The following SIK2 variants were observed in gnomAD, a reference collection of about 807,000 sequenced individuals.
SIK2 encodes the protein serine/threonine-protein kinase SIK2.
SIK2 carries 29 observed loss-of-function variants against 103.2 expected under a neutral mutation model. That is an observed-to-expected ratio of 0.28 (90% CI 0.21 to 0.38). The LOEUF (loss-of-function observed/expected upper bound fraction) is 0.38, where lower values mean the gene tolerates loss of function less well. Ranked by LOEUF, SIK2 falls within the 10% of genes least tolerant of loss-of-function variation. The pLI, the probability that SIK2 is intolerant of heterozygous loss-of-function variation, is 1.00. For synonymous variants in SIK2, 412 were observed against 446.1 expected, an observed-to-expected ratio of 0.92 and a Z score of 0.96; for missense variants, 879 against 1,171.0, an observed-to-expected ratio of 0.75 and a Z score of 3.64.
intron 3 of SIK2, among the ~76,000 whole-genome samples, chr11:111,643,856 A>C (rs1307534816): frequency 6.6e-6 from 1 of 151,872 alleles, no homozygotes; most frequent in Non-Finnish European, 1.5e-5. Flanking sequence ...GGTGCTGTGC[A>C]GCTGTAGCCC....
intron 1 of SIK2, among the ~76,000 whole-genome samples, chr11:111,614,320 A>G (rs1171467590): frequency 6.6e-6 from 1 of 151,950 alleles, no homozygotes; most frequent in African/African-American, 2.4e-5. Context: ...CTGACCTCAA[A>G]TGATCAGCCT....
At position 111,620,357 on chromosome 11, in the gene SIK2, A is replaced by G; in HGVS notation, c.271A>G (p.Met91Val). 1 of 1,594,722 alleles carries G rather than the reference A, an allele frequency of 6.3e-7. No homozygotes were observed. Among genetic ancestry groups the G allele is most frequent in the Non-Finnish European group, 8.5e-7 (1 of 1,171,638 alleles). Reference protein sequence around the residue: ...KLYQVMETKSMLYLVTEYAKN... With the variant: ...KLYQVMETKSVLYLVTEYAKN... ...TCAATAGGTAATGGAGACCAAAAGTATGTTGTACCTTGTGACAGAATATGC... is the reference window on the plus strand; with the variant it reads ...TCAATAGGTAATGGAGACCAAAAGTGTGTTGTACCTTGTGACAGAATATGC... The change falls in exon 3 of 15, where the codon ATG becomes GTG. Residue 91 changes from methionine to valine, a missense_variant. Around this residue, in one of 7 missense-constraint regions of SIK2, gnomAD observed 126 missense variants for 245.5 expected, o/e 0.51. Transcript: ENST00000304987.
intron 3 of SIK2, among the ~76,000 whole-genome samples, chr11:111,648,409 C>T (rs1942285135): frequency 6.6e-6 from 1 of 152,072 alleles, no homozygotes; most frequent in South Asian, 2.1e-4. Context: ...TCACTGCATC[C>T]TCACACGGTG....
At chr11:111,663,050 T>A (rs1942488236) in intron 3 of SIK2, among the ~76,000 whole-genome samples, 1 of 151,542 alleles carries the variant, frequency 6.6e-6, no homozygotes, top group Non-Finnish European at 1.5e-5. Context: ...CTGGGCAACA[T>A]GGCAAAACCC....
chr11:111,706,564 A>C (rs1376366128), intron 8 of SIK2, among the ~76,000 whole-genome samples: 1 of 152,208 alleles, frequency 6.6e-6, no homozygotes, highest in Non-Finnish European at 1.5e-5. Context: ...ATTATAATAA[A>C]ATTTTGCATT....
chr11:111,674,137 C>A (rs897833873), intron 3 of SIK2, among the ~76,000 whole-genome samples: 1 of 151,582 alleles, frequency 6.6e-6, no homozygotes, highest in African/African-American at 2.4e-5. Flanking sequence ...TAGAAACAGG[C>A]CTACAAAGAC....
Position 111,728,734 on chromosome 11 carries a change from C to CTGGT in SIK2, c.*4606_*4607insGGTT, listed in dbSNP as rs1427175697. ...ACGAGGTCAGGAGATTGAGACCATCCTAACACAGTGAAACGCCGTCTCTAC... is the reference window on the plus strand; with the variant it reads ...ACGAGGTCAGGAGATTGAGACCATCCTGGTTAACACAGTGAAACGCCGTCTCTAC... On this transcript the variant is annotated 3_prime_UTR_variant, in exon 15 of 15. Coordinates refer to ENST00000304987, the MANE Select transcript of SIK2 (RefSeq NM_015191.3). 1.3e-5 allele frequency: 2 copies of CTGGT among 152,228 alleles called. No individual in the cohort carries two copies. Among genetic ancestry groups the CTGGT allele is most frequent in the South Asian group, 4.2e-4 (2 of 4,814 alleles). The allele number at this position is 152,228 out of a possible 1,614,324, so 9.4% of individuals were successfully genotyped here.
At position 111,643,315 on chromosome 11, in the gene SIK2, G is replaced by A. The variant is rs535149071; in HGVS notation, c.316+22913G>A. Among the ~76,000 whole-genome samples the A allele has an allele frequency of 1.2e-4, 18 of 152,200 alleles. 1 individual carries two copies. Among genetic ancestry groups the A allele is most frequent in the Admixed American group, 2.6e-4 (4 of 15,284 alleles). On this transcript the variant is annotated intron_variant, in intron 3 of 14. Coordinates refer to ENST00000304987, the MANE Select transcript of SIK2 (RefSeq NM_015191.3). Reference sequence around the variant, plus strand: ...CACACCAGGGCCTGTTGGAAGGTTGGGGGCGAGGGGAGGGAGAGTATCAGG... The same window carrying A: ...CACACCAGGGCCTGTTGGAAGGTTGAGGGCGAGGGGAGGGAGAGTATCAGG...
At chr11:111,676,789 T>G (rs1942708605) in intron 3 of SIK2, among the ~76,000 whole-genome samples, 1 of 152,226 alleles carries the variant, frequency 6.6e-6, no homozygotes. Context: ...TCCTAAAAAT[T>G]GAATGTTTTG....
chr11:111,675,943 C>T (rs992011527), intron 3 of SIK2, among the ~76,000 whole-genome samples: 1 of 152,168 alleles, frequency 6.6e-6, no homozygotes, highest in Non-Finnish European at 1.5e-5. Flanking sequence ...TCTTTCTTGC[C>T]TTCTTTGTGT....
intron 9 of SIK2, among the ~76,000 whole-genome samples, chr11:111,716,980 C>A (rs1943658363): frequency 6.6e-6 from 1 of 152,078 alleles, no homozygotes; most frequent in African/African-American, 2.4e-5. Flanking sequence ...ACAGACACTT[C>A]TGAAAAGAAG....
chr11:111,703,599 A>G (rs1194321520), intron 7 of SIK2, among the ~76,000 whole-genome samples, 176 bp downstream of exon 7: 2 of 152,220 alleles, frequency 1.3e-5, no homozygotes, highest in Non-Finnish European at 2.9e-5. Context: ...AGCATCTTAA[A>G]TTCCTTTCTT....
intron 11 of SIK2, 32 bp downstream of exon 11, chr11:111,720,794 C>T (rs1410276231): frequency 2.5e-6 from 4 of 1,569,258 alleles, no homozygotes; most frequent in Admixed American, 1.8e-5. Context: ...TTTTGAAACT[C>T]GCGTCGTAGG....
chr11:111,651,228 G>C (rs942819219), intron 3 of SIK2, among the ~76,000 whole-genome samples: 2 of 152,084 alleles, frequency 1.3e-5, no homozygotes, highest in African/African-American at 4.8e-5. Context: ...TTGGAAACTT[G>C]CTTGTATTTA....
intron 3 of SIK2, among the ~76,000 whole-genome samples, chr11:111,644,287 C>CAAAAA (rs559236704): frequency 4.8e-5 from 2 of 41,936 alleles, no homozygotes; most frequent in African/African-American, 8.2e-5. Context: ...GACTCCATCT[C>CAAAAA]AAAAAAAAAA....
chr11:111,644,415 G>A (rs2135858634), intron 3 of SIK2, among the ~76,000 whole-genome samples: 1 of 151,684 alleles, frequency 6.6e-6, no homozygotes, highest in East Asian at 1.9e-4. Context: ...TTTTTCAAAT[G>A]TAAAATTTGA....
intron 3 of SIK2, among the ~76,000 whole-genome samples, chr11:111,637,456 C>CTTTTTTTTTTT (rs558690499): frequency 1.6e-5 from 2 of 124,710 alleles, no homozygotes; most frequent in Admixed American, 8.1e-5. Flanking sequence ...TTTGTAATAT[C>CTTTTTTTTTTT]TTTTTTTTTT....
chr11:111,674,447 C>T (rs867727458), intron 3 of SIK2, among the ~76,000 whole-genome samples: 2 of 152,192 alleles, frequency 1.3e-5, no homozygotes, highest in African/African-American at 2.4e-5. Context: ...TGAGAGGAAA[C>T]TTGAGACTAG....
chr11:111,633,997 T>C (rs1181228201), intron 3 of SIK2, among the ~76,000 whole-genome samples: 1 of 152,232 alleles, frequency 6.6e-6, no homozygotes, highest in African/African-American at 2.4e-5. Flanking sequence ...CATGTGGTCA[T>C]GTGCAGTAAA....
Sources: gnomAD v4.1 joint callset for allele counts (sites outside exome capture counted in the v4.1 genomes callset) on GRCh38, gnomAD v4.1.1 for gene constraint, gnomAD v4.1.1 regional missense constraint, MANE v1.5 for transcripts, NCBI Gene and HGNC (gene_info 2026-07-23, HGNC 2026-07-21) for gene names.